The following GRM1 variants were observed in gnomAD, a reference collection of about 807,000 sequenced individuals.
GRM1 encodes glutamate metabotropic receptor 1, also known as metabotropic glutamate receptor 1.
A neutral mutation model predicts 90.9 loss-of-function variants in GRM1; 33 were observed. The ratio of observed to expected loss-of-function variants is 0.36; its 90% confidence interval spans 0.28 to 0.49. GRM1 has a LOEUF of 0.49. Among genes scored for constraint, GRM1 ranks in the 20% least tolerant of loss-of-function variants. GRM1 has a pLI of 0.99. For synonymous variants in GRM1, 700 were observed against 613.2 expected (o/e 1.14, Z -2.09); for missense variants, 1,190 against 1,534.3 (o/e 0.78, Z 3.75).
chr6:146,197,277 C>G (rs372417402), intron 2 of GRM1, among the ~76,000 whole-genome samples: 67 of 152,254 alleles, frequency 4.4e-4, no homozygotes, highest in African/African-American at 1.2e-3. Context: ...AAAAAGGATC[C>G]AAGGTGAAAT....
intron 1 of GRM1, among the ~76,000 whole-genome samples, chr6:146,070,827 G>A (rs1246687421): frequency 2.0e-5 from 3 of 151,882 alleles, no homozygotes; most frequent in African/African-American, 7.3e-5. Context: ...TCTTAGCTTG[G>A]GACTTTACAA....
At chr6:146,433,558 G>A (rs568620742) in intron 7 of GRM1, among the ~76,000 whole-genome samples, 21 of 148,288 alleles carry the variant, frequency 1.4e-4, no homozygotes, top group African/African-American at 4.5e-4. Context: ...GTGTGTGTGT[G>A]TCAGAGAGAG....
chr6:146,411,248 T>C lies in GRM1; in HGVS notation c.2660+11549T>C, dbSNP rs115532381. Among the ~76,000 whole-genome samples, 253 of 152,248 alleles carry C rather than the reference T, an allele frequency of 1.7e-3. 1 individual carries two copies. The highest frequency in any genetic ancestry group is 5.9e-3 in the African/African-American group (244 of 41,532). ...CCAGGAAGCATTACCCTAGCTAAGA[T>C]TTCTGAAGAAGGAGAAGCAGTTGGT... is the stretch of plus-strand genomic sequence containing the variant. On this transcript the variant is annotated intron_variant, in intron 7 of 7. Coordinates refer to ENST00000282753, the MANE Select transcript of GRM1 (RefSeq NM_001278064.2).
At chr6:146,047,496 G>A (rs1186234075) in intron 1 of GRM1, among the ~76,000 whole-genome samples, 8 of 151,268 alleles carry the variant, frequency 5.3e-5, no homozygotes, top group Non-Finnish European at 1.0e-4. Flanking sequence ...CATGTGGCCC[G>A]CCTCTCAGTG....
chr6:146,179,270 G>A (rs542648826), intron 2 of GRM1, among the ~76,000 whole-genome samples: 3 of 152,202 alleles, frequency 2.0e-5, no homozygotes, highest in South Asian at 2.1e-4. Flanking sequence ...CCATGCCCCC[G>A]CTGGAAAAGA....
chr6:146,139,500 T>A (rs749281348), intron 1 of GRM1, among the ~76,000 whole-genome samples: 2 of 152,224 alleles, frequency 1.3e-5, no homozygotes, highest in Non-Finnish European at 2.9e-5. Context: ...GCTCCAGTGT[T>A]GGGTCCATAT....
intron 2 of GRM1, among the ~76,000 whole-genome samples, chr6:146,189,702 G>A (rs1163967564): frequency 6.6e-6 from 1 of 152,132 alleles, no homozygotes; most frequent in Non-Finnish European, 1.5e-5. Flanking sequence ...CAGGTGTTCT[G>A]ATTTTAAGCT....
intron 2 of GRM1, among the ~76,000 whole-genome samples, chr6:146,222,979 G>C (rs1281916724): frequency 1.3e-5 from 2 of 151,924 alleles, no homozygotes; most frequent in Non-Finnish European, 2.9e-5. Flanking sequence ...CAATATTAGA[G>C]CGTAGGAAAG....
intron 1 of GRM1, among the ~76,000 whole-genome samples, chr6:146,143,113 G>T (rs1382620127): frequency 1.3e-5 from 2 of 152,080 alleles, no homozygotes; most frequent in Admixed American, 1.3e-4. Flanking sequence ...AGCAGATAAT[G>T]AATCCTCCAG....
chr6:146,303,307 C>T (rs1184057674), intron 2 of GRM1, among the ~76,000 whole-genome samples: 1 of 152,068 alleles, frequency 6.6e-6, no homozygotes, highest in South Asian at 2.1e-4. Flanking sequence ...TTCAGGGCAC[C>T]ACTCTGTGCA....
At chr6:146,055,018 G>T (rs1771384444) in intron 1 of GRM1, among the ~76,000 whole-genome samples, 1 of 152,034 alleles carries the variant, frequency 6.6e-6, no homozygotes, top group African/African-American at 2.4e-5. Context: ...GGGGCGATTT[G>T]CCTTGGGTTC....
chr6:146,213,172 G>A (rs757985953), intron 2 of GRM1, among the ~76,000 whole-genome samples: 4 of 152,080 alleles, frequency 2.6e-5, no homozygotes, highest in Admixed American at 6.6e-5. Flanking sequence ...GAATGGAAAG[G>A]GCAGGAGGAG....
intron 2 of GRM1, among the ~76,000 whole-genome samples, chr6:146,170,036 G>T (rs1218840904): frequency 6.6e-6 from 1 of 151,994 alleles, no homozygotes; most frequent in Admixed American, 6.6e-5. Context: ...ATTTTTGCTG[G>T]ATATAAGATT....
intron 2 of GRM1, among the ~76,000 whole-genome samples, chr6:146,221,210 A>G (rs1219379341): frequency 6.6e-6 from 1 of 152,168 alleles, no homozygotes; most frequent in Admixed American, 6.6e-5. Flanking sequence ...TAAAAATTAT[A>G]CTTTAAGTTC....
At chr6:146,076,876 G>C (rs1217176309) in intron 1 of GRM1, among the ~76,000 whole-genome samples, 2 of 152,128 alleles carry the variant, frequency 1.3e-5, no homozygotes, top group Non-Finnish European at 1.5e-5. Context: ...TCTTCAGGCT[G>C]TGTTATCCCT....
chr6:146,186,036 C>T (rs1778719317), intron 2 of GRM1, among the ~76,000 whole-genome samples: 1 of 151,002 alleles, frequency 6.6e-6, no homozygotes, highest in South Asian at 2.1e-4. Flanking sequence ...ACAACCTACA[C>T]TTCCTAGGTT....
intron 3 of GRM1, among the ~76,000 whole-genome samples, chr6:146,324,541 G>A (rs568859837): frequency 2.0e-5 from 3 of 152,236 alleles, no homozygotes; most frequent in East Asian, 1.9e-4. Flanking sequence ...TGAATCCCAG[G>A]GCCCTGGTGG....
intron 1 of GRM1, among the ~76,000 whole-genome samples, chr6:146,031,008 A>G (rs1438946297): frequency 6.6e-6 from 1 of 152,212 alleles, no homozygotes. Context: ...TAGATCAGTT[A>G]TAAAATACTA....
intron 1 of GRM1, among the ~76,000 whole-genome samples, chr6:146,118,688 G>A (rs534868525): frequency 4.6e-5 from 7 of 152,274 alleles, no homozygotes; most frequent in South Asian, 4.1e-4. Flanking sequence ...GAGAACATGC[G>A]GTGCATGGTT....
Sources: gnomAD v4.1 joint callset for allele counts (sites outside exome capture counted in the v4.1 genomes callset) on GRCh38, gnomAD v4.1.1 for gene constraint, MANE v1.5 for transcripts, NCBI Gene and HGNC (gene_info 2026-07-23, HGNC 2026-07-21) for gene names.